Variants in COL22A1 observed in about 807,000 individuals in gnomAD.
COL22A1 encodes collagen type XXII alpha 1 chain.
Under a neutral mutation model 248.9 loss-of-function variants are expected in COL22A1, and 221 were observed. That is an observed-to-expected ratio of 0.89 (90% confidence interval 0.80 to 0.99). The LOEUF (loss-of-function observed/expected upper bound fraction) is 0.99. Among genes scored for constraint, COL22A1 ranks in the 50% least tolerant of loss-of-function variants. The pLI is 0.00. For synonymous variants in COL22A1, 891 were observed against 793.4 expected, an observed-to-expected ratio of 1.12 and a Z score of -2.07; for missense variants, 2,240 against 2,179.0, an observed-to-expected ratio of 1.03 and a Z score of -0.56.
rs560648016 is a variant in COL22A1, at chr8:138,599,523, A to G, written c.4186-625T>C. ...AACAAAACAAAACAAAAACATGGGC[A>G]GCCAGGGCAAGATGTTATGACTCCA... is the stretch of plus-strand genomic sequence containing the variant. On this transcript the variant is annotated intron_variant, in intron 60 of 64. Coordinates refer to ENST00000303045, the MANE Select transcript of COL22A1 (RefSeq NM_152888.3). 7.9e-5 allele frequency among the ~76,000 whole-genome samples: 12 copies of G among 152,242 alleles called. No individual in the cohort carries two copies. In the South Asian group the frequency reaches 1.5e-3, roughly 18 times the overall value.
In COL22A1 at chr8:138,685,274, A is replaced by G. The variant is rs748473320; in HGVS notation, c.2901T>C (p.Gly967=). Residue 967 remains glycine, a synonymous_variant, in exon 38 of 65, where the codon GGT becomes GGC. Coordinates refer to ENST00000303045, the MANE Select transcript of COL22A1 (RefSeq NM_152888.3). The stretch of plus-strand genomic sequence containing the variant: ...CAGGAGCACCAGGATCTCCCCTGGG[A>G]CCAACTGGCCCTGGGCTGCCTTCTT... The part of the protein sequence containing the change: ...AGEEGSPGPV[G]PRGDPGAPGL... 2 of 1,613,774 alleles carry G rather than the reference A, an allele frequency of 1.2e-6. No individual in the cohort carries two copies. Among genetic ancestry groups the G allele is most frequent in the South Asian group, 2.2e-5 (2 of 91,030 alleles).
At chr8:138,835,520 G>A (rs998273804) in intron 4 of COL22A1, among the ~76,000 whole-genome samples, 4 of 152,202 alleles carry the variant, frequency 2.6e-5, no homozygotes, top group African/African-American at 9.7e-5. Context: ...GGCTGAGTGA[G>A]GCCAGCTTTC....
intron 30 of COL22A1, among the ~76,000 whole-genome samples, chr8:138,711,231 A>G (rs1167668419): frequency 6.6e-6 from 1 of 152,192 alleles, no homozygotes; most frequent in Admixed American, 6.5e-5. Context: ...CATCACACAC[A>G]CCCTTCCCTG....
intron 23 of COL22A1, among the ~76,000 whole-genome samples, chr8:138,729,467 T>C (rs994796201): frequency 4.6e-5 from 7 of 152,168 alleles, no homozygotes. Context: ...TCTGCTTGTT[T>C]GATGCTGTAC....
intron 2 of COL22A1, among the ~76,000 whole-genome samples, chr8:138,878,932 C>T (rs551001194): frequency 1.1e-4 from 17 of 152,140 alleles, no homozygotes; most frequent in South Asian, 2.1e-4. Flanking sequence ...GGCGTGAACC[C>T]GGGAGGCGGA....
At chr8:138,800,278 T>C (rs1052056396) in intron 11 of COL22A1, among the ~76,000 whole-genome samples, 1 of 152,112 alleles carries the variant, frequency 6.6e-6, no homozygotes, top group Non-Finnish European at 1.5e-5. Flanking sequence ...ATGCCTGAGG[T>C]TGCACCTCCA....
chr8:138,740,398 T>C (rs775244098), intron 22 of COL22A1, among the ~76,000 whole-genome samples: 1 of 152,256 alleles, frequency 6.6e-6, no homozygotes. Flanking sequence ...GGTCGGGGGA[T>C]GAAGCATCAG....
At chr8:138,795,979 G>C (rs1296383885) in intron 12 of COL22A1, among the ~76,000 whole-genome samples, 1 of 152,174 alleles carries the variant, frequency 6.6e-6, no homozygotes, top group African/African-American at 2.4e-5. Context: ...ACTATGTTTT[G>C]AGTCCACGCG....
At chr8:138,632,078 T>C (rs953793395) in intron 49 of COL22A1, among the ~76,000 whole-genome samples, 2 of 152,198 alleles carry the variant, frequency 1.3e-5, no homozygotes, top group African/African-American at 2.4e-5. Context: ...GGTTGAGTCA[T>C]GTAACATCTC....
chr8:138,889,649 C>A (rs1563891998), intron 1 of COL22A1, among the ~76,000 whole-genome samples: 1 of 152,246 alleles, frequency 6.6e-6, no homozygotes, highest in East Asian at 1.9e-4. Context: ...ACCAGCATGG[C>A]ACGTATACAT....
intron 25 of COL22A1, among the ~76,000 whole-genome samples, chr8:138,723,859 G>A (rs1830094783): frequency 1.3e-5 from 2 of 152,164 alleles, no homozygotes; most frequent in African/African-American, 4.8e-5. Context: ...ATTCTCCCAT[G>A]GATCTGTGCT....
Position 138,619,479 on chromosome 8 carries a change from T to C in COL22A1, c.3801A>G (p.Gly1267=). 1.9e-6 allele frequency: 3 copies of C among 1,614,178 alleles called. No individual in the cohort carries two copies. The highest frequency in any genetic ancestry group is 2.5e-6 in the Non-Finnish European group (3 of 1,180,016). ...PGKAGEPGLP[G]PEGARGPPGF... ...CAGGTGGGCCTCGGGCACCCTCTGG[T>C]CCTGGTAGACCTGGCTCTCCTGCTT... Residue 1267 remains glycine, a synonymous_variant, in exon 53 of 65, where the codon GGA becomes GGG. Transcript: ENST00000303045.
intron 12 of COL22A1, among the ~76,000 whole-genome samples, chr8:138,794,032 CCTT>C (rs1563771141): frequency 6.6e-6 from 1 of 152,140 alleles, no homozygotes; most frequent in African/African-American, 2.4e-5. Context: ...TCCCCGGGTG[CCTT>C]CTTCATACCC....
At chr8:138,829,553 GCCA>G (rs1563819310) in intron 5 of COL22A1, among the ~76,000 whole-genome samples, 1 of 151,686 alleles carries the variant, frequency 6.6e-6, no homozygotes, top group Non-Finnish European at 1.5e-5. Flanking sequence ...ACAGGTGCCC[GCCA>G]CCACACCTGG....
In COL22A1 at chr8:138,649,665, C is replaced by A. The variant is rs201154735; in HGVS notation, c.3447G>T (p.Lys1149Asn). The A allele has an allele frequency of 6.2e-7, 1 of 1,611,908 alleles. No individual in the cohort carries two copies. Among genetic ancestry groups the A allele is most frequent in the African/African-American group, 1.3e-5 (1 of 74,872 alleles). ...KPGREGTEGK[K>N]GEAGPPGLPG... Reference sequence around the variant, plus strand: ...ATCGAGTTTCCCCTTTTCTCCTTACCTTTTTCCCTTCTGTGCCTTCTCTCC... The same window carrying A: ...ATCGAGTTTCCCCTTTTCTCCTTACATTTTTCCCTTCTGTGCCTTCTCTCC... The change falls in exon 46 of 65, where the codon AAG becomes AAT. Residue 1149 changes from lysine to asparagine, a missense_variant and splice_region_variant. Physicochemically the swap from Lys to Asn is moderately conservative, Grantham distance 94. Transcript: ENST00000303045.
chr8:138,900,201 C>A (rs1159982177), intron 1 of COL22A1, among the ~76,000 whole-genome samples: 1 of 152,174 alleles, frequency 6.6e-6, no homozygotes, highest in Non-Finnish European at 1.5e-5. Context: ...TTTCATTTAA[C>A]CAGGAAGGCT....
At chr8:138,702,772 A>G (rs1474834362) in intron 31 of COL22A1, among the ~76,000 whole-genome samples, 1 of 152,218 alleles carries the variant, frequency 6.6e-6, no homozygotes, top group Non-Finnish European at 1.5e-5. Flanking sequence ...CTCCACATGT[A>G]CAAGATAGCT....
intron 3 of COL22A1, among the ~76,000 whole-genome samples, chr8:138,851,891 T>C (rs1272419891): frequency 6.6e-6 from 1 of 152,110 alleles, no homozygotes; most frequent in African/African-American, 2.4e-5. Flanking sequence ...AATAAGGCAC[T>C]GGGGTCTCCA....
chr8:138,619,938 C>G (rs1204557939), intron 52 of COL22A1: 1 of 183,560 alleles, frequency 5.4e-6, no homozygotes, highest in African/African-American at 2.4e-5. Context: ...TATTAAATAG[C>G]AAAGCCAGGC....
Sources: allele counts gnomAD v4.1 joint callset (sites outside exome capture counted in the v4.1 genomes callset), GRCh38; gene constraint gnomAD v4.1.1; transcripts MANE v1.5; gene names NCBI Gene and HGNC (gene_info 2026-07-23, HGNC 2026-07-21).